The following PDE1C variants were observed in gnomAD, a reference collection of about 807,000 sequenced individuals.
PDE1C encodes dual specificity calcium/calmodulin-dependent 3',5'-cyclic nucleotide phosphodiesterase 1C.
Under a neutral mutation model 93.1 loss-of-function variants are expected in PDE1C, and 62 were observed. The observed-to-expected ratio is 0.67, with a 90% confidence interval of 0.54 to 0.82. The LOEUF (loss-of-function observed/expected upper bound fraction) is 0.82, where lower values mean the gene tolerates loss of function less well. Ranked by LOEUF, PDE1C falls within the 40% of genes least tolerant of loss-of-function variation. The probability of loss-of-function intolerance (pLI) is 0.00; values close to 1 mark genes in which losing one functional copy is unlikely to be tolerated. For synonymous variants in PDE1C, 325 were observed against 310.1 expected, an observed-to-expected ratio of 1.05 and a Z score of -0.50; for missense variants, 742 against 884.6, an observed-to-expected ratio of 0.84 and a Z score of 2.04.
chr7:32,085,501 T>C (rs1336868208), intron 3 of PDE1C, among the ~76,000 whole-genome samples: 1 of 149,736 alleles, frequency 6.7e-6, no homozygotes, highest in Non-Finnish European at 1.5e-5. Flanking sequence ...TAACTCATTT[T>C]CTGAGGCCAG....
chr7:31,636,573 T>C, the PDE1C span, among the ~76,000 whole-genome samples: 1 of 152,154 alleles, frequency 6.6e-6, no homozygotes, highest in Non-Finnish European at 1.5e-5. Context: ...GCTGAATATC[T>C]TTGGTTCCCC....
intron 1 of PDE1C, among the ~76,000 whole-genome samples, chr7:32,211,356 A>AC (rs1183658974): frequency 6.6e-6 from 1 of 152,228 alleles, no homozygotes. Flanking sequence ...TTGTAGAACC[A>AC]CCACATGAAT....
intron 1 of PDE1C, among the ~76,000 whole-genome samples, chr7:32,237,308 C>G (rs1266436604): frequency 6.9e-6 from 1 of 145,324 alleles, no homozygotes; most frequent in Non-Finnish European, 1.5e-5. Flanking sequence ...AGGATGGTCT[C>G]GATCTCCTGA....
At chr7:31,756,901 G>A (rs1457683844) in intron 17 of PDE1C, among the ~76,000 whole-genome samples, 1 of 152,234 alleles carries the variant, frequency 6.6e-6, no homozygotes, top group African/African-American at 2.4e-5. Flanking sequence ...AAAAGCCAGT[G>A]CAGGAGCAGG....
chr7:32,334,397 A>G (rs1783572426), intron 1 of PDE1C, among the ~76,000 whole-genome samples: 1 of 152,200 alleles, frequency 6.6e-6, no homozygotes, highest in African/African-American at 2.4e-5. Context: ...TAGGATATTA[A>G]TTAAATAAAG....
At chr7:32,083,271 TG>T (rs1796834407) in intron 3 of PDE1C, among the ~76,000 whole-genome samples, 1 of 150,404 alleles carries the variant, frequency 6.6e-6, no homozygotes, top group Non-Finnish European at 1.5e-5. Context: ...ATGAAATGAA[TG>T]AAATGAAGTG....
At chr7:31,649,208 A>G in the PDE1C span, among the ~76,000 whole-genome samples, 1 of 152,210 alleles carries the variant, frequency 6.6e-6, no homozygotes, top group Non-Finnish European at 1.5e-5. Context: ...TAAAAACATT[A>G]CTCTTAGGAA....
At chr7:31,998,405 C>A (rs868099880) in intron 2 of PDE1C, among the ~76,000 whole-genome samples, 3 of 152,178 alleles carry the variant, frequency 2.0e-5, no homozygotes, top group Middle Eastern at 3.2e-3. Flanking sequence ...ACATACCAAT[C>A]TTTTACCATA....
chr7:32,298,005 TCTCTCTCTCTC>T (rs1812712624), intron 1 of PDE1C, among the ~76,000 whole-genome samples: 1 of 45,140 alleles, frequency 2.2e-5, no homozygotes, highest in African/African-American at 1.3e-4. Flanking sequence ...CTCCTCTCTC[TCTCTCTCTCTC>T]CCTCTCTCTC....
intron 1 of PDE1C, among the ~76,000 whole-genome samples, chr7:32,315,838 A>C (rs1306115553): frequency 6.6e-6 from 1 of 152,126 alleles, no homozygotes; most frequent in Middle Eastern, 3.2e-3. Flanking sequence ...TCTACTAAAA[A>C]TACAAAATTA....
At chr7:32,236,869 C>G (rs1808121464) in intron 1 of PDE1C, among the ~76,000 whole-genome samples, 1 of 152,088 alleles carries the variant, frequency 6.6e-6, no homozygotes, top group African/African-American at 2.4e-5. Context: ...TCATAATCAC[C>G]AAAAACTGGA....
intron 9 of PDE1C, among the ~76,000 whole-genome samples, chr7:31,844,906 C>T (rs944864324): frequency 6.6e-6 from 1 of 152,096 alleles, no homozygotes; most frequent in Non-Finnish European, 1.5e-5. Context: ...TTAAAAGTCA[C>T]TGTTTCCTTC....
At chr7:31,619,310 G>A in the PDE1C span, among the ~76,000 whole-genome samples, 1 of 152,138 alleles carries the variant, frequency 6.6e-6, no homozygotes, top group East Asian at 1.9e-4. Context: ...GGTCCATAAA[G>A]TTAGTGATTT....
At chr7:32,099,355 T>G (rs1463151270) in intron 3 of PDE1C, among the ~76,000 whole-genome samples, 1 of 152,218 alleles carries the variant, frequency 6.6e-6, no homozygotes, top group African/African-American at 2.4e-5. Context: ...AATAGGATGT[T>G]ACTTCTAAGA....
At chr7:32,035,704 C>A (rs771898109) in intron 2 of PDE1C, among the ~76,000 whole-genome samples, 1 of 152,116 alleles carries the variant, frequency 6.6e-6, no homozygotes, top group African/African-American at 2.4e-5. Context: ...TTGCCAAAAG[C>A]CAGAAAATCT....
chr7:32,084,997 A>T (rs1432751897), intron 3 of PDE1C, among the ~76,000 whole-genome samples: 2 of 129,014 alleles, frequency 1.6e-5, no homozygotes, highest in Admixed American at 1.5e-4. Context: ...AGAAACAACT[A>T]AAATCAGAGC....
At chr7:31,668,563 C>T in the PDE1C span, among the ~76,000 whole-genome samples, 16 of 151,922 alleles carry the variant, frequency 1.1e-4, no homozygotes, top group South Asian at 1.2e-3. Flanking sequence ...ACTGAGTAAA[C>T]GAAACCAGCC....
At chr7:32,290,500 C>T (rs765917616) in intron 1 of PDE1C, among the ~76,000 whole-genome samples, 11 of 152,162 alleles carry the variant, frequency 7.2e-5, no homozygotes, top group African/African-American at 1.2e-4. Flanking sequence ...CTCCCAACAA[C>T]GCAACAAAGA....
chr7:31,903,886 A>C (rs1253584346), intron 2 of PDE1C, among the ~76,000 whole-genome samples: 2 of 152,178 alleles, frequency 1.3e-5, no homozygotes, highest in African/African-American at 2.4e-5. Context: ...ATTAATGCTT[A>C]TTTAATAATC....
Sources: gnomAD v4.1 joint callset for allele counts (sites outside exome capture counted in the v4.1 genomes callset) on GRCh38, gnomAD v4.1.1 for gene constraint, MANE v1.5 for transcripts, NCBI Gene and HGNC (gene_info 2026-07-23, HGNC 2026-07-21) for gene names.